Variants in HPGD observed in about 807,000 individuals in gnomAD.
HPGD encodes the protein 15-hydroxyprostaglandin dehydrogenase [NAD(+)].
HPGD carries 29 observed loss-of-function variants against 30.0 expected under a neutral mutation model. The observed-to-expected ratio is 0.97, with a 90% CI of 0.72 to 1.32. The LOEUF (loss-of-function observed/expected upper bound fraction) is 1.32. Among genes scored for constraint, HPGD ranks in the 40% most tolerant of loss-of-function variants. HPGD has a pLI of 0.00. For synonymous variants in HPGD, 99 were observed against 112.4 expected, an observed-to-expected ratio of 0.88 and a Z score of 0.75; for missense variants, 340 against 322.1, an observed-to-expected ratio of 1.06 and a Z score of -0.43.
intron 4 of HPGD, chr4:174,506,679 G>A (rs949447217): frequency 6.6e-6 from 1 of 152,156 alleles, no homozygotes; most frequent in African/African-American, 2.4e-5. Context: ...AATGATATCA[G>A]GTAAACAGTG....
chr4:174,501,608 A>G (rs1207306151), intron 4 of HPGD, among the ~76,000 whole-genome samples: 1 of 152,202 alleles, frequency 6.6e-6, no homozygotes, highest in Non-Finnish European at 1.5e-5. Context: ...CAGAAAAAAA[A>G]ATCAGTAGAG....
chr4:174,497,868 G>A (rs1405461420), intron 4 of HPGD, among the ~76,000 whole-genome samples: 5 of 142,108 alleles, frequency 3.5e-5, no homozygotes, highest in Non-Finnish European at 7.7e-5. Flanking sequence ...GAGCCACCAT[G>A]GCCGGCCTCA....
intron 5 of HPGD, among the ~76,000 whole-genome samples, chr4:174,493,884 A>C (rs1734460745): frequency 6.6e-6 from 1 of 152,174 alleles, no homozygotes; most frequent in African/African-American, 2.4e-5. Context: ...AATTTGTTAA[A>C]TTTGCTTGCT....
intron 2 of HPGD, among the ~76,000 whole-genome samples, chr4:174,519,243 T>C (rs947976430): frequency 4.7e-5 from 7 of 148,976 alleles, no homozygotes; most frequent in African/African-American, 1.0e-4. Context: ...AGTCGGAGCC[T>C]CGTTCTGTCC....
chr4:174,499,421 A>G (rs1734796366), intron 4 of HPGD, among the ~76,000 whole-genome samples: 1 of 152,068 alleles, frequency 6.6e-6, no homozygotes, highest in Non-Finnish European at 1.5e-5. Flanking sequence ...AAACAGAATC[A>G]CTCTGAGATA....
Position 174,505,525 on chromosome 4 carries a change from A to G in HPGD, c.421+3171T>C, listed in dbSNP as rs529544375. 2.6e-5 allele frequency among the ~76,000 whole-genome samples: 4 copies of G among 152,344 alleles called. No individual in the cohort carries two copies. In the South Asian group the frequency reaches 8.3e-4, roughly 32 times the overall value. On this transcript the variant is annotated intron_variant, in intron 4 of 6. Transcript: ENST00000296522. ...GATACCATTTCTGAGGGAATGATGA[A>G]GACGGAGGGGTCCTCTTTTGCCTTC... is the stretch of plus-strand genomic sequence containing the variant.
rs1401743785 is a variant in HPGD at position 174,495,945 on chromosome 4, T to A, written c.422-321A>T. The A allele has an allele frequency of 1.0e-5, 3 of 298,008 alleles. No individual in the cohort carries two copies. The East Asian group carries it at 2.3e-4, about 23-fold the overall frequency. 18.5% of individuals were successfully genotyped at this position (298,008 alleles called of 1,614,324 possible). A position where few individuals can be genotyped will look rare whatever the true frequency, so the allele number is the denominator to read the frequency against. The stretch of plus-strand genomic sequence containing the variant: ...GGTATCTAAAACACAAAGAAAATCA[T>A]CTTTAAAGTCAGTAAATTACCACCT... On this transcript the variant is annotated intron_variant, in intron 4 of 6. Transcript: ENST00000296522.
chr4:174,503,882 C>T (rs1248582895), intron 4 of HPGD, among the ~76,000 whole-genome samples: 1 of 152,022 alleles, frequency 6.6e-6, no homozygotes, highest in Non-Finnish European at 1.5e-5. Flanking sequence ...ACCATCACAC[C>T]CAGCTAATTT....
At chr4:174,495,526 A>G in intron 5 of HPGD, 22 bp downstream of exon 5, 1 of 1,553,950 alleles carries the variant, frequency 6.4e-7, no homozygotes. Flanking sequence ...AAAATGAGAT[A>G]TGACGGTTGT....
intron 2 of HPGD, among the ~76,000 whole-genome samples, chr4:174,520,947 A>T (rs980092974): frequency 1.3e-5 from 2 of 152,222 alleles, no homozygotes; most frequent in Non-Finnish European, 2.9e-5. Context: ...CTGTTGGTAC[A>T]CCACTTCCTT....
intron 4 of HPGD, among the ~76,000 whole-genome samples, chr4:174,499,222 G>A (rs912214268): frequency 1.2e-4 from 18 of 152,264 alleles, no homozygotes; most frequent in African/African-American, 2.6e-4. Flanking sequence ...AAACTGTGCC[G>A]CTTATGTTCC....
At position 174,491,107 on chromosome 4, in the gene HPGD, T is replaced by C. The variant is rs1734322980; in HGVS notation, c.*849A>G. On this transcript the variant is annotated 3_prime_UTR_variant, in exon 7 of 7. Transcript: ENST00000296522. ...AGAATAAAAAAGTTTTATTGAAGGG[T>C]AGGCACTTTTGAAATTTGGACAAGT... 6.6e-6 allele frequency: 1 copy of C among 152,640 alleles called. No homozygotes were observed. The highest frequency in any genetic ancestry group is 6.6e-5 in the Admixed American group (1 of 15,262). 9.5% of individuals were successfully genotyped at this position (152,640 alleles called of 1,614,324 possible).
upstream of HPGD, chr4:174,522,780 A>C: frequency 4.0e-6 from 1 of 252,718 alleles, no homozygotes; most frequent in Non-Finnish European, 7.4e-6. Context: ...AGTTTCCTTC[A>C]GTGCCCTAAA....
At chr4:174,517,232 CT>C (rs1273656238) in intron 3 of HPGD, among the ~76,000 whole-genome samples, 1 of 152,136 alleles carries the variant, frequency 6.6e-6, no homozygotes, top group Non-Finnish European at 1.5e-5. Context: ...AATTTTATTT[CT>C]TAATTCTACC....
chr4:174,499,519 T>C (rs1283361412), intron 4 of HPGD, among the ~76,000 whole-genome samples: 1 of 152,194 alleles, frequency 6.6e-6, no homozygotes, highest in African/African-American at 2.4e-5. Flanking sequence ...TGGAAAGTCC[T>C]CAGAAGAGTT....
chr4:174,507,833 C>T (rs1238476089), intron 4 of HPGD: 4 of 366,698 alleles, frequency 1.1e-5, no homozygotes, highest in Non-Finnish European at 1.5e-5. Flanking sequence ...CTAAATCATA[C>T]TACTCTGAAA....
chr4:174,498,719 T>A (rs1032857595), intron 4 of HPGD, among the ~76,000 whole-genome samples: 2 of 152,178 alleles, frequency 1.3e-5, no homozygotes, highest in Non-Finnish European at 2.9e-5. Context: ...ATTGAAGTTT[T>A]TTTTTCTTTT....
chr4:174,513,565 A>G lies in HPGD; in HGVS notation c.324+4406T>C, dbSNP rs184532131. On this transcript the variant is annotated intron_variant, in intron 3 of 6. Transcript: ENST00000296522. ...AAGAAAACAGTAAATATTAAAGTAT[A>G]AAACGGAAGAGTAAAAATAAATGGC... Among the ~76,000 whole-genome samples, 31 of 152,178 alleles carry G rather than the reference A, an allele frequency of 2.0e-4. No homozygotes were observed. The East Asian group carries it at 6.0e-3, about 29-fold the overall frequency.
chr4:174,513,311 T>C (rs1340615826), intron 3 of HPGD, among the ~76,000 whole-genome samples: 1 of 152,172 alleles, frequency 6.6e-6, no homozygotes, highest in Non-Finnish European at 1.5e-5. Context: ...TTTTGGAAAG[T>C]GGCATGAGTC....
Sources: allele counts gnomAD v4.1 joint callset (sites outside exome capture counted in the v4.1 genomes callset), GRCh38; gene constraint gnomAD v4.1.1; transcripts MANE v1.5; gene names NCBI Gene and HGNC (gene_info 2026-07-23, HGNC 2026-07-21).